CACNA2D3: variants seen among roughly 807,000 people sequenced by gnomAD.
CACNA2D3 encodes the protein voltage-dependent calcium channel subunit alpha-2/delta-3.
CACNA2D3 carries 60 observed loss-of-function variants against 160.6 expected under a neutral mutation model. That is an observed-to-expected ratio of 0.37 (90% CI 0.30 to 0.46). The LOEUF (loss-of-function observed/expected upper bound fraction) is 0.46. Ranked by LOEUF, CACNA2D3 falls within the 20% of genes least tolerant of loss-of-function variation. CACNA2D3 has a pLI of 1.00. For synonymous variants in CACNA2D3, 558 were observed against 492.9 expected (o/e 1.13, Z -1.75); for missense variants, 1,205 against 1,365.0 (o/e 0.88, Z 1.85).
intron 4 of CACNA2D3, among the ~76,000 whole-genome samples, chr3:54,422,213 A>G (rs1333072204): frequency 6.6e-6 from 1 of 152,224 alleles, no homozygotes; most frequent in Non-Finnish European, 1.5e-5. Context: ...TTCACCCCTC[A>G]TGGTGGTTTC....
chr3:55,069,181 G>A (rs1704741205), intron 35 of CACNA2D3, among the ~76,000 whole-genome samples: 1 of 152,082 alleles, frequency 6.6e-6, no homozygotes, highest in African/African-American at 2.4e-5. Flanking sequence ...GCAAGCAACT[G>A]CCCTTCCCTT....
intron 4 of CACNA2D3, among the ~76,000 whole-genome samples, chr3:54,422,083 A>G (rs1699844048): frequency 6.6e-6 from 1 of 152,210 alleles, no homozygotes; most frequent in Non-Finnish European, 1.5e-5. Flanking sequence ...TTCTAATTGT[A>G]GTGTCTGCAT....
intron 4 of CACNA2D3, among the ~76,000 whole-genome samples, chr3:54,458,705 A>G (rs568646727): frequency 1.3e-5 from 2 of 151,934 alleles, no homozygotes; most frequent in South Asian, 4.2e-4. Context: ...CTGGATGTTT[A>G]TCTCTCTCCC....
At chr3:54,819,322 T>G (rs1440126103) in intron 14 of CACNA2D3, among the ~76,000 whole-genome samples, 1 of 152,210 alleles carries the variant, frequency 6.6e-6, no homozygotes, top group Non-Finnish European at 1.5e-5. Flanking sequence ...CTCTTACCTG[T>G]TCCTCGCACA....
chr3:54,864,428 G>T (rs1388825536), intron 17 of CACNA2D3, among the ~76,000 whole-genome samples: 1 of 152,076 alleles, frequency 6.6e-6, no homozygotes, highest in Non-Finnish European at 1.5e-5. Flanking sequence ...ACACACCACT[G>T]CGCTCAGCTA....
chr3:54,957,358 A>G (rs1463603156), intron 27 of CACNA2D3, among the ~76,000 whole-genome samples: 1 of 152,022 alleles, frequency 6.6e-6, no homozygotes, highest in Non-Finnish European at 1.5e-5. Flanking sequence ...TCTGTTGCTC[A>G]GGCTGGTCTT....
intron 8 of CACNA2D3, among the ~76,000 whole-genome samples, chr3:54,578,984 C>T (rs1702632326): frequency 1.3e-5 from 2 of 152,170 alleles, no homozygotes; most frequent in African/African-American, 4.8e-5. Flanking sequence ...GGCTTAGCAA[C>T]TTCTCCAAGG....
At chr3:54,149,534 C>T (rs542116269) in intron 2 of CACNA2D3, among the ~76,000 whole-genome samples, 9 of 152,134 alleles carry the variant, frequency 5.9e-5, no homozygotes, top group Admixed American at 1.3e-4. Context: ...GTGTGGGTTC[C>T]GGGTTGGCAT....
chr3:54,584,599 G>T (rs1052406729), intron 9 of CACNA2D3, among the ~76,000 whole-genome samples: 2 of 152,028 alleles, frequency 1.3e-5, no homozygotes, highest in Non-Finnish European at 2.9e-5. Context: ...AGAGAGAATG[G>T]GACTGAAGAG....
chr3:54,402,161 T>TTA lies in CACNA2D3; in HGVS notation c.381+15388_381+15389dup, dbSNP rs530487917. On this transcript the variant is annotated intron_variant, in intron 4 of 37. Coordinates refer to ENST00000474759, the MANE Select transcript of CACNA2D3 (RefSeq NM_018398.3). The stretch of plus-strand genomic sequence containing the variant: ...ATGATAAAGAGAAAAGAATAAAAAC[T>TTA]TAGCACTACAGAAACTTACTAGATT... 2.6e-3 allele frequency among the ~76,000 whole-genome samples: 388 copies of TTA among 151,914 alleles called. 3 individuals carry two copies. The highest frequency in any genetic ancestry group is 8.5e-3 in the African/African-American group (354 of 41,438).
chr3:55,004,208 C>T (rs1175377628), intron 31 of CACNA2D3, among the ~76,000 whole-genome samples: 3 of 152,210 alleles, frequency 2.0e-5, no homozygotes, highest in Non-Finnish European at 4.4e-5. Flanking sequence ...GGTACATTCA[C>T]TCTTATGGTG....
At chr3:54,463,225 A>C (rs1700541745) in intron 4 of CACNA2D3, among the ~76,000 whole-genome samples, 1 of 151,746 alleles carries the variant, frequency 6.6e-6, no homozygotes, top group Non-Finnish European at 1.5e-5. Flanking sequence ...CCTTCATTTC[A>C]ACTTTGGTGA....
intron 31 of CACNA2D3, among the ~76,000 whole-genome samples, chr3:54,997,299 C>G (rs1167891037): frequency 1.3e-5 from 2 of 152,168 alleles, no homozygotes; most frequent in East Asian, 1.9e-4. Flanking sequence ...TCATGGCTGT[C>G]AAACCTGTTT....
chr3:54,545,556 A>G (rs1345345365), intron 5 of CACNA2D3, among the ~76,000 whole-genome samples: 2 of 152,154 alleles, frequency 1.3e-5, no homozygotes, highest in Admixed American at 1.3e-4. Flanking sequence ...TTACATCCCA[A>G]GAGATCTGTG....
chr3:54,840,164 C>T (rs1015585522), intron 16 of CACNA2D3, among the ~76,000 whole-genome samples: 2 of 152,116 alleles, frequency 1.3e-5, no homozygotes, highest in African/African-American at 2.4e-5. Flanking sequence ...CGAGCCACTA[C>T]TTGATACGTG....
chr3:54,642,039 C>CT (rs1699532170), intron 10 of CACNA2D3, 89 bp from the exon 11 acceptor site: 1 of 736,072 alleles, frequency 1.4e-6, no homozygotes, highest in Non-Finnish European at 2.2e-6. Context: ...AAAAGGCTTC[C>CT]TTAGTCCCAG....
At chr3:54,897,961 T>G (rs1282293332) in intron 26 of CACNA2D3, among the ~76,000 whole-genome samples, 3 of 152,158 alleles carry the variant, frequency 2.0e-5, no homozygotes, top group Admixed American at 1.3e-4. Flanking sequence ...TTTTCAGGTC[T>G]AAGGTTCTTT....
At chr3:54,812,432 A>C (rs1430145339) in intron 13 of CACNA2D3, among the ~76,000 whole-genome samples, 6 of 152,210 alleles carry the variant, frequency 3.9e-5, no homozygotes, top group Admixed American at 3.3e-4. Flanking sequence ...TTTGCCAGGC[A>C]AGTGGAGAGG....
At chr3:54,594,001 A>G (rs750923825) in intron 9 of CACNA2D3, among the ~76,000 whole-genome samples, 2 of 152,160 alleles carry the variant, frequency 1.3e-5, no homozygotes, top group Non-Finnish European at 2.9e-5. Context: ...GATGAAATGC[A>G]TTTGTTTGAA....
Sources: allele counts gnomAD v4.1 joint callset (sites outside exome capture counted in the v4.1 genomes callset), GRCh38; gene constraint gnomAD v4.1.1; transcripts MANE v1.5; gene names NCBI Gene and HGNC (gene_info 2026-07-23, HGNC 2026-07-21).